The following SLC25A12 variants were observed in gnomAD, a reference collection of about 807,000 sequenced individuals.
SLC25A12 encodes the protein electrogenic aspartate/glutamate antiporter SLC25A12, mitochondrial.
SLC25A12 carries 32 observed loss-of-function variants against 83.3 expected under a neutral mutation model. That is an observed-to-expected ratio of 0.38 (90% confidence interval 0.29 to 0.52). The LOEUF (loss-of-function observed/expected upper bound fraction) is 0.52, where lower values mean the gene tolerates loss of function less well. Among genes scored for constraint, SLC25A12 ranks in the 20% least tolerant of loss-of-function variants. SLC25A12 has a pLI of 0.84. For synonymous variants in SLC25A12, 267 were observed against 291.1 expected, an observed-to-expected ratio of 0.92 and a Z score of 0.84; for missense variants, 611 against 835.6, an observed-to-expected ratio of 0.73 and a Z score of 3.31.
intron 9 of SLC25A12, among the ~76,000 whole-genome samples, chr2:171,821,869 A>G (rs910322183): frequency 6.6e-6 from 1 of 152,106 alleles, no homozygotes; most frequent in Admixed American, 6.5e-5. Context: ...TTTCTTTATG[A>G]CTGGTGTTCT....
chr2:171,843,641 TATA>T (rs1409331529), intron 5 of SLC25A12, among the ~76,000 whole-genome samples: 2 of 151,372 alleles, frequency 1.3e-5, no homozygotes, highest in Admixed American at 6.6e-5. Context: ...CAAAAAAATA[TATA>T]ATAACTTCAG....
rs181433459 is a variant in SLC25A12 at position 171,842,880 on chromosome 2, G to A, written c.465+1489C>T. Among the ~76,000 whole-genome samples, 1,028 of 152,212 alleles carry A rather than the reference G, an allele frequency of 6.8e-3. 4 individuals carry two copies. Among genetic ancestry groups the A allele is most frequent in the Non-Finnish European group, 0.012 (787 of 68,002 alleles). ...TCTGTCACCCAGGCTGGAGTGCAGCGATGCAATCTCAGCTCACTGCAACCT... is the reference window on the plus strand; with the variant it reads ...TCTGTCACCCAGGCTGGAGTGCAGCAATGCAATCTCAGCTCACTGCAACCT... On this transcript the variant is annotated intron_variant, in intron 5 of 17. Coordinates refer to ENST00000422440, the MANE Select transcript of SLC25A12 (RefSeq NM_003705.5).
rs774596959 is a variant in SLC25A12, at chr2:171,787,996, A to G, written c.1586-49T>C. ...ATTTATCTAGAGTACCTTATAAAAG[A>G]TAGGAATACTGCTAACATCTACTAT... is the stretch of plus-strand genomic sequence containing the variant. On this transcript the variant is annotated intron_variant, in intron 15 of 17. Coordinates refer to ENST00000422440, the MANE Select transcript of SLC25A12 (RefSeq NM_003705.5). 5.0e-6 allele frequency: 8 copies of G among 1,586,880 alleles called. No individual in the cohort carries two copies. In the South Asian group the frequency reaches 8.9e-5, roughly 18 times the overall value.
chr2:171,800,490 G>A (rs1683688733), intron 13 of SLC25A12, among the ~76,000 whole-genome samples: 2 of 152,150 alleles, frequency 1.3e-5, no homozygotes, highest in South Asian at 4.1e-4. Context: ...TCAAACATTA[G>A]TGAAGATGTG....
intron 2 of SLC25A12, among the ~76,000 whole-genome samples, chr2:171,883,354 A>C (rs981799198): frequency 6.6e-6 from 1 of 152,192 alleles, no homozygotes; most frequent in African/African-American, 2.4e-5. Flanking sequence ...TCCAAAAGTA[A>C]ACACCTGAGC....
intron 3 of SLC25A12, among the ~76,000 whole-genome samples, chr2:171,857,834 T>C (rs1438352994): frequency 1.3e-5 from 2 of 150,874 alleles, no homozygotes; most frequent in African/African-American, 2.4e-5. Context: ...AAGGCTGTAG[T>C]ATGCAATGCT....
intron 6 of SLC25A12, among the ~76,000 whole-genome samples, chr2:171,836,138 T>C (rs896468026): frequency 1.3e-5 from 2 of 151,822 alleles, no homozygotes; most frequent in African/African-American, 4.8e-5. Context: ...GGTTGGGGTA[T>C]GAGGTGAGGG....
At chr2:171,852,548 T>C in intron 4 of SLC25A12, 1 of 337,018 alleles carries the variant, frequency 3.0e-6, no homozygotes, top group East Asian at 7.7e-5. Context: ...GAAGGCCATT[T>C]GGTGAAAAGG....
At chr2:171,856,740 C>G (rs1685054242) in intron 3 of SLC25A12, 1 of 130,696 alleles carries the variant, frequency 7.7e-6, no homozygotes, top group South Asian at 2.8e-4. Context: ...TATTTGGATT[C>G]CAATTTAAAC....
chr2:171,856,887 T>C (rs1271189930), intron 3 of SLC25A12, among the ~76,000 whole-genome samples: 2 of 152,230 alleles, frequency 1.3e-5, no homozygotes, highest in East Asian at 3.8e-4. Context: ...CATTATCTTT[T>C]AGAGATACAC....
intron 2 of SLC25A12, among the ~76,000 whole-genome samples, chr2:171,891,607 A>G (rs1014403134): frequency 2.0e-5 from 3 of 152,218 alleles, no homozygotes; most frequent in Non-Finnish European, 4.4e-5. Flanking sequence ...CCTAGGCAGT[A>G]TTCTTTTCAC....
intron 4 of SLC25A12, among the ~76,000 whole-genome samples, chr2:171,845,477 A>G (rs1684774675): frequency 6.6e-6 from 1 of 152,176 alleles, no homozygotes; most frequent in Non-Finnish European, 1.5e-5. Context: ...AGCCAATTTT[A>G]TTAGTGAAAG....
At chr2:171,790,698 T>C (rs1461738520) in intron 15 of SLC25A12, among the ~76,000 whole-genome samples, 1 of 152,058 alleles carries the variant, frequency 6.6e-6, no homozygotes, top group Non-Finnish European at 1.5e-5. Flanking sequence ...CAAATAACTA[T>C]TAATAAAAGA....
chr2:171,827,014 T>C, intron 8 of SLC25A12, 132 bp from the exon 9 acceptor site: 2 of 667,958 alleles, frequency 3.0e-6, no homozygotes. Flanking sequence ...TTTACACAGA[T>C]CATTTTAGTG....
chr2:171,844,113 A>T lies in SLC25A12; in HGVS notation c.465+256T>A, dbSNP rs141711560. 6.7e-4 allele frequency among the ~76,000 whole-genome samples: 102 copies of T among 152,312 alleles called. 1 individual carries two copies. The East Asian group carries it at 0.013, about 20-fold the overall frequency. The stretch of plus-strand genomic sequence containing the variant: ...AAAGAACTAGCTTCTAATCTTCTAT[A>T]GTTAGGATACAATTAAAAAGTATTT... On this transcript the variant is annotated intron_variant, in intron 5 of 17. Coordinates refer to ENST00000422440, the MANE Select transcript of SLC25A12 (RefSeq NM_003705.5).
At chr2:171,849,491 C>T (rs561986697) in intron 4 of SLC25A12, among the ~76,000 whole-genome samples, 11 of 150,042 alleles carry the variant, frequency 7.3e-5, no homozygotes, top group Admixed American at 3.3e-4. Context: ...TATTTATTAT[C>T]ATAGAATTTT....
chr2:171,838,020 C>T (rs1418879549), intron 5 of SLC25A12, among the ~76,000 whole-genome samples: 1 of 152,126 alleles, frequency 6.6e-6, no homozygotes, highest in African/African-American at 2.4e-5. Context: ...GTGTACTATA[C>T]AAAAGTCAAA....
chr2:171,806,023 A>C (rs1347627470), intron 13 of SLC25A12, among the ~76,000 whole-genome samples: 1 of 152,022 alleles, frequency 6.6e-6, no homozygotes, highest in East Asian at 1.9e-4. Context: ...AGATGGGAGG[A>C]GCCCTTGAGC....
intron 9 of SLC25A12, among the ~76,000 whole-genome samples, chr2:171,818,356 T>C (rs1182885892): frequency 6.6e-6 from 1 of 151,910 alleles, no homozygotes; most frequent in Non-Finnish European, 1.5e-5. Flanking sequence ...AAAACAAGAG[T>C]TGAGAATCTT....
Sources: gnomAD v4.1 joint callset for allele counts (sites outside exome capture counted in the v4.1 genomes callset) on GRCh38, gnomAD v4.1.1 for gene constraint, MANE v1.5 for transcripts, NCBI Gene and HGNC (gene_info 2026-07-23, HGNC 2026-07-21) for gene names.